The following CXADR variants were observed in gnomAD, a reference collection of about 807,000 sequenced individuals.
The protein encoded by CXADR is coxsackievirus and adenovirus receptor.
A neutral mutation model predicts 40.3 loss-of-function variants in CXADR; 20 were observed. The ratio of observed to expected loss-of-function variants is 0.50; its 90% CI spans 0.35 to 0.72. CXADR has a LOEUF of 0.72. Among genes scored for constraint, CXADR ranks in the 30% least tolerant of loss-of-function variants. CXADR has a pLI of 0.01. For synonymous variants in CXADR, 150 were observed against 161.3 expected, an observed-to-expected ratio of 0.93 and a Z score of 0.53; for missense variants, 332 against 449.1, an observed-to-expected ratio of 0.74 and a Z score of 2.36.
At chr21:17,584,000 G>A (rs926661759) in intron 7 of CXADR, among the ~76,000 whole-genome samples, 2 of 152,122 alleles carry the variant, frequency 1.3e-5, no homozygotes, top group African/African-American at 2.4e-5. Flanking sequence ...TAGTGCTTTC[G>A]AGGCTTGCAT....
At chr21:17,636,019 G>T in the CXADR span, among the ~76,000 whole-genome samples, 1 of 152,078 alleles carries the variant, frequency 6.6e-6, no homozygotes, top group Non-Finnish European at 1.5e-5. Flanking sequence ...ATCTTTTGTC[G>T]AATTTATCCT....
chr21:17,576,412 C>G (rs774550351), intron 7 of CXADR, among the ~76,000 whole-genome samples: 1 of 152,128 alleles, frequency 6.6e-6, no homozygotes, highest in Non-Finnish European at 1.5e-5. Context: ...TAGTATCTAT[C>G]CCAATTTTTA....
intron 7 of CXADR, among the ~76,000 whole-genome samples, chr21:17,575,314 G>C (rs957284188): frequency 6.6e-6 from 1 of 151,808 alleles, no homozygotes; most frequent in Non-Finnish European, 1.5e-5. Flanking sequence ...CTCTCAAGTA[G>C]CTGGGATAAC....
At chr21:17,529,119 A>G (rs2060637747) in intron 1 of CXADR, among the ~76,000 whole-genome samples, 1 of 148,722 alleles carries the variant, frequency 6.7e-6, no homozygotes, top group African/African-American at 2.5e-5. Context: ...GCTCACTGCA[A>G]CCTCTGCCTC....
chr21:17,514,791 G>C (rs2123085654), intron 1 of CXADR, among the ~76,000 whole-genome samples: 1 of 151,904 alleles, frequency 6.6e-6, no homozygotes, highest in South Asian at 2.1e-4. Flanking sequence ...CCCCCACCAT[G>C]CCCGGCTAAC....
intron 1 of CXADR, among the ~76,000 whole-genome samples, chr21:17,529,808 C>T (rs1385964317): frequency 1.3e-5 from 2 of 152,112 alleles, no homozygotes; most frequent in Non-Finnish European, 2.9e-5. Context: ...TTTTTATAAA[C>T]GTACAGGGTA....
chr21:17,545,652 T>C (rs563625772), intron 1 of CXADR, among the ~76,000 whole-genome samples: 1 of 152,204 alleles, frequency 6.6e-6, no homozygotes, highest in South Asian at 2.1e-4. Flanking sequence ...AATTAAGTTA[T>C]GTAATTTTAA....
Position 17,547,078 on chromosome 21 carries a change from C to T in CXADR, c.95C>T (p.Ala32Val). Residue 32 changes from alanine to valine, a missense_variant, in exon 2 of 7, where the codon GCC becomes GTC. Physicochemically the swap from Ala to Val is moderately conservative, Grantham distance 64. Coordinates refer to ENST00000284878, the MANE Select transcript of CXADR (RefSeq NM_001338.5). ...ACTCCTGAAGAGATGATTGAAAAAG[C>T]CAAAGGGGAAACTGCCTATCTGCCA... The part of the protein sequence containing the change: ...ITTPEEMIEK[A>V]KGETAYLPCK... The T allele has an allele frequency of 6.2e-7, 1 of 1,613,670 alleles. No homozygotes were observed. The highest frequency in any genetic ancestry group is 8.5e-7 in the Non-Finnish European group (1 of 1,179,908).
intron 7 of CXADR, among the ~76,000 whole-genome samples, chr21:17,583,173 C>T (rs2061372654): frequency 6.6e-6 from 1 of 152,194 alleles, no homozygotes; most frequent in South Asian, 2.1e-4. Context: ...GAACCATAAT[C>T]TCTGCCTTCT....
chr21:17,604,527 T>G, the CXADR span, among the ~76,000 whole-genome samples: 1 of 152,120 alleles, frequency 6.6e-6, no homozygotes, highest in Non-Finnish European at 1.5e-5. Flanking sequence ...GGGATTAGCT[T>G]CTTAATTTGA....
the CXADR span, among the ~76,000 whole-genome samples, chr21:17,635,655 C>T: frequency 6.6e-6 from 1 of 152,256 alleles, no homozygotes; most frequent in Admixed American, 6.5e-5. Flanking sequence ...GCCTTTTATC[C>T]ACTAATTCTA....
intron 7 of CXADR, among the ~76,000 whole-genome samples, chr21:17,585,672 T>C (rs988073959): frequency 1.1e-4 from 17 of 152,134 alleles, no homozygotes; most frequent in African/African-American, 3.6e-4. Flanking sequence ...CGCGTGCCAC[T>C]ACGCCCAGCT....
chr21:17,516,464 G>T (rs211952), intron 1 of CXADR, among the ~76,000 whole-genome samples: 21,209 of 152,186 alleles, frequency 0.14, 1,788 homozygotes, highest in Non-Finnish European at 0.2. Flanking sequence ...GTTTCTCCAG[G>T]GCTTGGGTTG....
At chr21:17,556,752 G>A (rs1395790887) in intron 3 of CXADR, among the ~76,000 whole-genome samples, 1 of 152,206 alleles carries the variant, frequency 6.6e-6, no homozygotes, top group Admixed American at 6.5e-5. Flanking sequence ...CAACAGTGCA[G>A]TTAAATATGT....
rs1360293465 is a variant in CXADR at position 17,530,151 on chromosome 21, G to A, written c.44-16876G>A. Among the ~76,000 whole-genome samples, 3 of 132,320 alleles carry A rather than the reference G, an allele frequency of 2.3e-5. No homozygotes were observed. The Admixed American group carries it at 2.5e-4, about 11-fold the overall frequency. 86.8% of individuals were successfully genotyped at this position (132,320 alleles called of 152,430 possible). ...TTTTTTTGTATTTTTTAGTAGAGAC[G>A]GGGTTTCACCATACTGGCCAGGCTG... On this transcript the variant is annotated intron_variant, in intron 1 of 6. Coordinates refer to ENST00000284878, the MANE Select transcript of CXADR (RefSeq NM_001338.5).
chr21:17,602,957 G>A, the CXADR span, among the ~76,000 whole-genome samples: 1 of 152,186 alleles, frequency 6.6e-6, no homozygotes, highest in Admixed American at 6.5e-5. Context: ...ATTTGATTGT[G>A]TGATAACATA....
intron 7 of CXADR, among the ~76,000 whole-genome samples, chr21:17,577,612 C>CTTTTTGTTTTTTTTTTTTTTTT (rs2061330831): frequency 2.7e-5 from 1 of 36,562 alleles, no homozygotes. Flanking sequence ...ATTCTGCAAG[C>CTTTTTGTTTTTTTTTTTTTTTT]TTTTTTTTTT....
At chr21:17,624,353 T>C in the CXADR span, among the ~76,000 whole-genome samples, 1 of 152,230 alleles carries the variant, frequency 6.6e-6, no homozygotes, top group Admixed American at 6.5e-5. Context: ...TGAACTGTCT[T>C]GGCTGTTTCC....
intron 1 of CXADR, among the ~76,000 whole-genome samples, chr21:17,514,003 A>G (rs1295952911): frequency 6.6e-6 from 1 of 152,168 alleles, no homozygotes; most frequent in Non-Finnish European, 1.5e-5. Flanking sequence ...AGGGGAAAAA[A>G]GGCATGTGAA....
Sources: allele counts gnomAD v4.1 joint callset (sites outside exome capture counted in the v4.1 genomes callset), GRCh38; gene constraint gnomAD v4.1.1; transcripts MANE v1.5; gene names NCBI Gene and HGNC (gene_info 2026-07-23, HGNC 2026-07-21).